Variants in CARMIL1 observed in about 807,000 individuals in gnomAD.
CARMIL1 encodes the protein capping protein regulator and myosin 1 linker 1, also known as F-actin-uncapping protein LRRC16A.
A neutral mutation model predicts 177.1 loss-of-function variants in CARMIL1; 90 were observed. The ratio of observed to expected loss-of-function variants is 0.51; its 90% CI spans 0.43 to 0.61. The LOEUF is 0.61. Ranked by LOEUF, CARMIL1 falls within the 20% of genes least tolerant of loss-of-function variation. The pLI is 0.00. For missense variants in CARMIL1, 1,380 were observed against 1,667.0 expected (o/e 0.83, Z 3.00); for synonymous variants, 577 against 606.2 (o/e 0.95, Z 0.71).
At position 25,479,003 on chromosome 6, in the gene CARMIL1, A is replaced by G. The variant is rs549618752; in HGVS notation, c.875-3254A>G. ...TTTCTGAACTCTCCAGGAAAGTTAT[A>G]GAATTGGTAGAAATGTAAAAATTTT... On this transcript the variant is annotated intron_variant, in intron 11 of 36. Transcript: ENST00000329474. The G allele has an allele frequency of 1.1e-5, 5 of 448,122 alleles. No homozygotes were observed. In the East Asian group the frequency reaches 2.8e-4, roughly 25 times the overall value. 27.8% of individuals were successfully genotyped at this position (448,122 alleles called of 1,614,324 possible).
chr6:25,452,547 ATATT>A (rs1799081412), intron 8 of CARMIL1: 2 of 202,646 alleles, frequency 9.9e-6, no homozygotes, highest in Non-Finnish European at 2.0e-5. Flanking sequence ...AAAATTTGAA[ATATT>A]TATTAATTAA....
intron 10 of CARMIL1, among the ~76,000 whole-genome samples, chr6:25,471,834 T>C (rs555057755): frequency 3.5e-4 from 53 of 152,326 alleles, no homozygotes; most frequent in African/African-American, 1.1e-3. Flanking sequence ...TAGTAGTCAC[T>C]ACCTAAGCCT....
intron 13 of CARMIL1, 98 bp downstream of exon 13, chr6:25,488,683 CTCTT>C (rs1802911479): frequency 1.0e-6 from 1 of 965,208 alleles, no homozygotes; most frequent in Non-Finnish European, 1.7e-6. Flanking sequence ...TCCTGCCTCT[CTCTT>C]TGTCATGACA....
intron 2 of CARMIL1, among the ~76,000 whole-genome samples, chr6:25,295,430 T>C (rs2150155342): frequency 1.3e-5 from 2 of 152,338 alleles, no homozygotes; most frequent in Admixed American, 1.3e-4. Context: ...ACTGTCCATG[T>C]CCTCATATTT....
At chr6:25,291,050 G>A (rs1486023168) in intron 2 of CARMIL1, among the ~76,000 whole-genome samples, 3 of 151,940 alleles carry the variant, frequency 2.0e-5, no homozygotes, top group South Asian at 2.1e-4. Context: ...GGACTCAAGC[G>A]ATTCTCCCAC....
chr6:25,354,704 C>T (rs977529400), intron 2 of CARMIL1, among the ~76,000 whole-genome samples: 14 of 152,272 alleles, frequency 9.2e-5, no homozygotes, highest in South Asian at 2.1e-4. Context: ...AAACACATTC[C>T]TGAGCTAATA....
chr6:25,584,206 T>C (rs1229143503), intron 31 of CARMIL1, among the ~76,000 whole-genome samples: 1 of 150,864 alleles, frequency 6.6e-6, no homozygotes, highest in East Asian at 1.9e-4. Context: ...GCTAATTATT[T>C]AAATATTTTT....
chr6:25,393,117 A>G (rs1231313645), intron 2 of CARMIL1, among the ~76,000 whole-genome samples: 4 of 151,862 alleles, frequency 2.6e-5, no homozygotes, highest in South Asian at 2.1e-4. Flanking sequence ...AGATCTCCAC[A>G]ATAACTTACG....
chr6:25,338,733 G>A (rs1786558531), intron 2 of CARMIL1, among the ~76,000 whole-genome samples: 1 of 152,114 alleles, frequency 6.6e-6, no homozygotes, highest in African/African-American at 2.4e-5. Flanking sequence ...CAATAAGTGG[G>A]CCATTGATTC....
At chr6:25,288,990 A>C (rs1781737715) in intron 2 of CARMIL1, among the ~76,000 whole-genome samples, 1 of 152,164 alleles carries the variant, frequency 6.6e-6, no homozygotes, top group Non-Finnish European at 1.5e-5. Flanking sequence ...GAATTGGATA[A>C]AGTATGCTGT....
In CARMIL1 at chr6:25,435,577, G is replaced by C. The variant is rs73734005; in HGVS notation, c.344G>C (p.Arg115Thr). 971 of 1,571,840 alleles carry C rather than the reference G, an allele frequency of 6.2e-4. 4 individuals are homozygous for C. In the Middle Eastern group the frequency reaches 7.3e-3, roughly 12 times the overall value. ...EVLAHIGTCL[R>T]KIFPGLSPVR... Reference sequence around the variant, plus strand: ...CTGGCTCACATAGGCACCTGCCTGAGGAAGATATTTCCTGGCCTCTCTCCA... The same window carrying C: ...CTGGCTCACATAGGCACCTGCCTGACGAAGATATTTCCTGGCCTCTCTCCA... The change falls in exon 5 of 37, where the codon AGG (arginine) becomes ACG (threonine). Residue 115 changes from arginine to threonine, a missense_variant. Arg to Thr is a moderately conservative substitution (Grantham distance 71). Coordinates refer to ENST00000329474, the MANE Select transcript of CARMIL1 (RefSeq NM_017640.6).
rs1477339182 is a variant in CARMIL1 at position 25,459,272 on chromosome 6, T to TCTTTCTTTCTTTC, written c.615-6601_615-6600insCTTTCTTTCTTTC. 2.0e-4 allele frequency among the ~76,000 whole-genome samples: 27 copies of TCTTTCTTTCTTTC among 134,944 alleles called. 3 individuals are homozygous for TCTTTCTTTCTTTC. Among genetic ancestry groups the TCTTTCTTTCTTTC allele is most frequent in the Non-Finnish European group, 1.1e-4 (7 of 62,606 alleles). 88.5% of individuals were successfully genotyped at this position (134,944 alleles called of 152,430 possible). A position where few individuals can be genotyped will look rare whatever the true frequency, so the allele number is the denominator to read the frequency against. On this transcript the variant is annotated intron_variant, in intron 8 of 36. Coordinates refer to ENST00000329474, the MANE Select transcript of CARMIL1 (RefSeq NM_017640.6). ...TTTCTTTCTTTCTTTCTTTCTTTTT[T>TCTTTCTTTCTTTC]TTTTTTTTAAGACAGGGTCTTGCTG...
chr6:25,471,519 G>A (rs557323497), intron 10 of CARMIL1, among the ~76,000 whole-genome samples: 93 of 152,156 alleles, frequency 6.1e-4, no homozygotes, highest in Non-Finnish European at 1.3e-3. Flanking sequence ...TGAGCCAGAT[G>A]TCTCCTGGCC....
chr6:25,406,074 T>G (rs971347025), intron 2 of CARMIL1, among the ~76,000 whole-genome samples: 1 of 152,198 alleles, frequency 6.6e-6, no homozygotes, highest in Admixed American at 6.5e-5. Flanking sequence ...TGGTCCCTGC[T>G]CCCAGGCACC....
intron 2 of CARMIL1, among the ~76,000 whole-genome samples, chr6:25,346,180 T>C (rs1323467573): frequency 1.3e-5 from 2 of 151,962 alleles, no homozygotes; most frequent in East Asian, 3.9e-4. Flanking sequence ...AACTGAAGTG[T>C]TTACCGTGAC....
intron 36 of CARMIL1, among the ~76,000 whole-genome samples, chr6:25,612,221 T>C (rs1225063771): frequency 1.3e-5 from 2 of 152,254 alleles, no homozygotes; most frequent in African/African-American, 4.8e-5. Flanking sequence ...ATTTTGACTT[T>C]ATCAGCTTGT....
At chr6:25,479,092 CT>C in intron 11 of CARMIL1, 1 of 518,874 alleles carries the variant, frequency 1.9e-6, no homozygotes, top group South Asian at 1.4e-5. Flanking sequence ...GAGAAGAGGC[CT>C]TTTGTTTCTC....
intron 9 of CARMIL1, among the ~76,000 whole-genome samples, chr6:25,468,986 T>G (rs967811775): frequency 3.3e-5 from 5 of 152,240 alleles, no homozygotes; most frequent in African/African-American, 1.2e-4. Context: ...GTAATCACTT[T>G]TTATCATGAC....
intron 2 of CARMIL1, among the ~76,000 whole-genome samples, chr6:25,300,280 C>T (rs536949550): frequency 7.9e-5 from 12 of 152,276 alleles, no homozygotes; most frequent in African/African-American, 2.9e-4. Flanking sequence ...AGCAATTTGT[C>T]TTGTTTTAAG....
Sources: gnomAD v4.1 joint callset for allele counts (sites outside exome capture counted in the v4.1 genomes callset) on GRCh38, gnomAD v4.1.1 for gene constraint, MANE v1.5 for transcripts, NCBI Gene and HGNC (gene_info 2026-07-23, HGNC 2026-07-21) for gene names.